Variants in INO80 observed in about 807,000 individuals in gnomAD.
INO80 encodes INO80 complex ATPase subunit.
INO80 carries 20 observed loss-of-function variants against 203.4 expected under a neutral mutation model. That is an observed-to-expected ratio of 0.10 (90% CI 0.07 to 0.14). The LOEUF (loss-of-function observed/expected upper bound fraction) is 0.14. Among genes scored for constraint, INO80 ranks in the 10% least tolerant of loss-of-function variants. The pLI is 1.00. For synonymous variants in INO80, 726 were observed against 685.2 expected (o/e 1.06, Z -0.93); for missense variants, 1,419 against 1,914.4 (o/e 0.74, Z 4.83).
At chr15:41,039,021 T>C (rs1157601520) in intron 24 of INO80, among the ~76,000 whole-genome samples, 3 of 152,202 alleles carry the variant, frequency 2.0e-5, no homozygotes, top group South Asian at 2.1e-4. Flanking sequence ...CCGCATAGGG[T>C]GGCATTCAAA....
At chr15:41,014,909 CACTT>C (rs2044181088) in intron 27 of INO80, among the ~76,000 whole-genome samples, 1 of 152,116 alleles carries the variant, frequency 6.6e-6, no homozygotes, top group East Asian at 1.9e-4. Context: ...GTACAATTTC[CACTT>C]ACTTATTACG....
At chr15:41,063,261 TG>T (rs1302030110) in intron 14 of INO80, among the ~76,000 whole-genome samples, 1 of 152,006 alleles carries the variant, frequency 6.6e-6, no homozygotes, top group African/African-American at 2.4e-5. Context: ...TGCTTGAACC[TG>T]GGAGGCAGAG....
At chr15:41,041,517 T>G (rs1012337649) in intron 24 of INO80, among the ~76,000 whole-genome samples, 3 of 151,846 alleles carry the variant, frequency 2.0e-5, no homozygotes, top group Non-Finnish European at 2.9e-5. Flanking sequence ...CTTGGCTCAT[T>G]GCAACCTCCA....
At chr15:41,026,046 T>C (rs181673267) in intron 25 of INO80, among the ~76,000 whole-genome samples, 15 of 152,250 alleles carry the variant, frequency 9.9e-5, no homozygotes, top group Admixed American at 9.2e-4. Flanking sequence ...CCAAACAAAG[T>C]TGATAGTGAC....
intron 15 of INO80, 64 bp from the exon 16 acceptor site, chr15:41,058,845 T>C (rs2045049370): frequency 1.3e-6 from 2 of 1,510,938 alleles, no homozygotes; most frequent in Non-Finnish European, 1.8e-6. Flanking sequence ...GGAACTGATG[T>C]ATGGACTGTT....
chr15:41,087,498 G>A (rs956051300), intron 6 of INO80, 64 bp downstream of exon 6: 2 of 1,566,984 alleles, frequency 1.3e-6, no homozygotes, highest in East Asian at 2.3e-5. Flanking sequence ...AAATGCACCA[G>A]TAGGCCACAT....
At chr15:41,050,723 C>T (rs909593034) in intron 19 of INO80, among the ~76,000 whole-genome samples, 3 of 152,114 alleles carry the variant, frequency 2.0e-5, no homozygotes, top group South Asian at 2.1e-4. Flanking sequence ...CAGTTTCTTC[C>T]GGTTGTGATA....
intron 28 of INO80, chr15:41,005,200 C>CAA (rs66849866): frequency 0.1 from 7,958 of 79,930 alleles, 606 homozygotes; most frequent in East Asian, 0.33. Context: ...CTCACACACA[C>CAA]AAAAAAAAAA....
In INO80 at chr15:41,081,032, G is replaced by C. The variant is rs2045477238; in HGVS notation, c.915C>G (p.Thr305=). ...QKASARNLFL[T]NSRKLAHQCM... ...ACTACAATTTTACCTTTCGGCTATT[G>C]GTGAGAAACAGGTTACGAGCTGAAG... is the stretch of plus-strand genomic sequence containing the variant. Residue 305 remains threonine (T), a synonymous_variant, in exon 8 of 36, where the codon ACC becomes ACG. Coordinates refer to ENST00000648947, the MANE Select transcript of INO80 (RefSeq NM_017553.3). The C allele has an allele frequency of 6.3e-7, 1 of 1,597,426 alleles. No homozygotes were observed. The highest frequency in any genetic ancestry group is 1.3e-5 in the African/African-American group (1 of 74,486).
rs116059205 is a variant in INO80, at chr15:41,065,798, G to A, written c.1782+3772C>T. Among the ~76,000 whole-genome samples the A allele has an allele frequency of 8.3e-3, 1,258 of 152,238 alleles. 22 individuals carry two copies. Among genetic ancestry groups the A allele is most frequent in the African/African-American group, 0.027 (1,136 of 41,552 alleles). ...GCCAGACAGAAACAGCATTCACAAA[G>A]TGTTCAGAATAAGCAAATCCAGCCA... is the stretch of plus-strand genomic sequence containing the variant. On this transcript the variant is annotated intron_variant, in intron 14 of 35. Transcript: ENST00000648947.
At chr15:41,097,511 C>T (rs1324558963) in intron 1 of INO80, among the ~76,000 whole-genome samples, 2 of 151,972 alleles carry the variant, frequency 1.3e-5, no homozygotes, top group African/African-American at 2.4e-5. Flanking sequence ...TTTTTTCAGA[C>T]GGAGTTTCGC....
In INO80 at chr15:40,984,256, C is replaced by G. The variant is rs1893939420; in HGVS notation, c.4018G>C (p.Ala1340Pro). 2 of 1,613,868 alleles carry G rather than the reference C, an allele frequency of 1.2e-6. No individual in the cohort carries two copies. The highest frequency in any genetic ancestry group is 3.3e-5 in the Admixed American group (2 of 59,962). The change falls in exon 33 of 36, where the codon GCT (alanine) becomes CCT (proline). Residue 1340 changes from alanine to proline, a missense_variant. Transcript: ENST00000648947. ...VPSADNSNLS[A>P]DGDDSFISVD... ...CTAATGAAGGAGTCATCTCCGTCAG[C>G]AGAGAGGTTGGAGTTATCAGCCGAG...
intron 26 of INO80, among the ~76,000 whole-genome samples, chr15:41,019,145 T>C (rs888064385): frequency 1.3e-5 from 2 of 152,130 alleles, no homozygotes; most frequent in Non-Finnish European, 2.9e-5. Flanking sequence ...TTTGAAGGGA[T>C]TGTACATCTT....
chr15:40,988,274 G>A (rs1429146235), intron 29 of INO80, among the ~76,000 whole-genome samples: 2 of 152,058 alleles, frequency 1.3e-5, no homozygotes, highest in Non-Finnish European at 2.9e-5. Flanking sequence ...AACACTTACA[G>A]TGCATTGTTC....
chr15:40,980,122 T>C lies in INO80; in HGVS notation c.*101A>G. 1 of 930,572 alleles carries C rather than the reference T, an allele frequency of 1.1e-6. No homozygotes were observed. The highest frequency in any genetic ancestry group is 1.7e-6 in the Non-Finnish European group (1 of 580,366). The allele number at this position is 930,572 out of a possible 1,614,324, so 57.6% of individuals were successfully genotyped here. A position where few individuals can be genotyped will look rare whatever the true frequency, so the allele number is the denominator to read the frequency against. On this transcript the variant is annotated 3_prime_UTR_variant, in exon 36 of 36. Coordinates refer to ENST00000648947, the MANE Select transcript of INO80 (RefSeq NM_017553.3). ...CCTGCTGGACATTTCCACTTCTGAC[T>C]CAGGATGCAAGATGCTGCACGGGGC... is the stretch of plus-strand genomic sequence containing the variant.
chr15:41,039,824 A>T (rs769310779), intron 24 of INO80, among the ~76,000 whole-genome samples: 1 of 152,240 alleles, frequency 6.6e-6, no homozygotes, highest in Non-Finnish European at 1.5e-5. Flanking sequence ...CTCTACCACC[A>T]TTCCCTACTC....
rs758738528 is a variant in INO80 at position 40,985,462 on chromosome 15, C to T, written c.3833-36G>A. 3.5e-6 allele frequency: 5 copies of T among 1,421,874 alleles called. No homozygotes were observed. The East Asian group carries it at 1.1e-4, about 32-fold the overall frequency. The allele number at this position is 1,421,874 out of a possible 1,614,324, so 88.1% of individuals were successfully genotyped here. ...AATGAATTAAGACCTGATGAAGTAC[C>T]TGTGGTAATCATAATCCTCACTCTC... On this transcript the variant is annotated intron_variant, in intron 31 of 35. Coordinates refer to ENST00000648947, the MANE Select transcript of INO80 (RefSeq NM_017553.3).
At chr15:41,083,403 T>C (rs1345635174) in intron 7 of INO80, among the ~76,000 whole-genome samples, 2 of 151,752 alleles carry the variant, frequency 1.3e-5, no homozygotes. Flanking sequence ...TCAAAGGTAA[T>C]ATCCTCAAAA....
rs780221895 is a variant in INO80 at position 41,049,930 on chromosome 15, C to T, written c.2442+5G>A. 6 of 1,607,734 alleles carry T rather than the reference C, an allele frequency of 3.7e-6. No individual in the cohort carries two copies. The highest frequency in any genetic ancestry group is 5.1e-6 in the Non-Finnish European group (6 of 1,175,990). ...AACTTCAAGGGAACTGACGTAAGCT[C>T]TTACCTTCCTAAACTGCATGACCAG... is the stretch of plus-strand genomic sequence containing the variant. On this transcript the variant is annotated splice_donor_5th_base_variant and intron_variant, in intron 20 of 35. Coordinates refer to ENST00000648947, the MANE Select transcript of INO80 (RefSeq NM_017553.3).
Sources: allele counts gnomAD v4.1 joint callset (sites outside exome capture counted in the v4.1 genomes callset), GRCh38; gene constraint gnomAD v4.1.1; transcripts MANE v1.5; gene names NCBI Gene and HGNC (gene_info 2026-07-23, HGNC 2026-07-21).